The following PTER variants were observed in gnomAD, a reference collection of about 807,000 sequenced individuals.
PTER encodes phosphotriesterase related.
PTER carries 38 observed loss-of-function variants against 29.6 expected under a neutral mutation model. The observed-to-expected ratio is 1.28, with a 90% CI of 0.99 to 1.68. PTER has a LOEUF of 1.68. PTER is among the 40% of genes most tolerant of loss of function. The pLI, the probability that PTER is intolerant of heterozygous loss-of-function variation, is 0.00. For missense variants in PTER, 482 were observed against 427.8 expected, an observed-to-expected ratio of 1.13 and a Z score of -1.12; for synonymous variants, 172 against 154.5, an observed-to-expected ratio of 1.11 and a Z score of -0.84.
intron 1 of PTER, among the ~76,000 whole-genome samples, chr10:16,482,679 T>C (rs1390284737): frequency 6.6e-6 from 1 of 152,174 alleles, no homozygotes; most frequent in African/African-American, 2.4e-5. Flanking sequence ...GTTCCCAGAG[T>C]CTGGGACTCG....
intron 4 of PTER, among the ~76,000 whole-genome samples, chr10:16,510,182 C>T (rs1836757846): frequency 6.6e-6 from 1 of 152,180 alleles, no homozygotes; most frequent in Non-Finnish European, 1.5e-5. Context: ...GAAGTCACGA[C>T]AGACACTGCC....
At chr10:16,515,338 A>G (rs1163955635), downstream of PTER, among the ~76,000 whole-genome samples, 1 of 151,838 alleles carries the variant, frequency 6.6e-6, no homozygotes, top group Non-Finnish European at 1.5e-5. Context: ...ATCTTTGATT[A>G]TATCACCTGA....
intron 1 of PTER, among the ~76,000 whole-genome samples, chr10:16,459,751 T>C (rs770396887): frequency 2.1e-4 from 31 of 150,186 alleles, no homozygotes; most frequent in Middle Eastern, 3.4e-3. Context: ...TATTTATTTA[T>C]TTATTTACTT....
intron 1 of PTER, among the ~76,000 whole-genome samples, chr10:16,474,013 C>A (rs919280243): frequency 6.6e-6 from 1 of 152,110 alleles, no homozygotes; most frequent in African/African-American, 2.4e-5. Context: ...GTCAGGAGTT[C>A]GAGACCAGCC....
chr10:16,442,786 C>T (rs1245294032), intron 1 of PTER, among the ~76,000 whole-genome samples: 1 of 152,174 alleles, frequency 6.6e-6, no homozygotes, highest in Non-Finnish European at 1.5e-5. Flanking sequence ...TCGATACCAG[C>T]CTGGCCAACA....
At chr10:16,447,935 C>T (rs540007207) in intron 1 of PTER, among the ~76,000 whole-genome samples, 17 of 152,260 alleles carry the variant, frequency 1.1e-4, no homozygotes, top group Admixed American at 2.0e-4. Flanking sequence ...AGGACCCGTT[C>T]GAGCCCAATC....
At chr10:16,452,619 T>TCTC (rs367732268) in intron 1 of PTER, among the ~76,000 whole-genome samples, 3 of 151,754 alleles carry the variant, frequency 2.0e-5, no homozygotes, top group African/African-American at 7.3e-5. Context: ...TTTTGTTTTC[T>TCTC]CTCCTCCTCC....
intron 2 of PTER, among the ~76,000 whole-genome samples, chr10:16,485,586 A>G (rs1369061773): frequency 6.6e-6 from 1 of 152,018 alleles, no homozygotes; most frequent in African/African-American, 2.4e-5. Context: ...TTGTATTTCA[A>G]AATTTTTTCT....
intron 1 of PTER, among the ~76,000 whole-genome samples, chr10:16,455,372 C>T (rs1396610453): frequency 6.6e-6 from 1 of 151,912 alleles, no homozygotes; most frequent in East Asian, 1.9e-4. Context: ...TATTTGCAAC[C>T]GTGGCATAAA....
chr10:16,488,095 G>A (rs1835769184), intron 3 of PTER, among the ~76,000 whole-genome samples: 1 of 152,180 alleles, frequency 6.6e-6, no homozygotes, highest in Non-Finnish European at 1.5e-5. Flanking sequence ...GGAAACTGAG[G>A]CATAATAGGA....
intron 1 of PTER, among the ~76,000 whole-genome samples, chr10:16,482,628 C>T (rs1196405138): frequency 6.6e-6 from 1 of 152,102 alleles, no homozygotes; most frequent in East Asian, 1.9e-4. Flanking sequence ...TTTGAAGGAA[C>T]AGTTTGAGAG....
chr10:16,500,617 A>T (rs1481663852), intron 3 of PTER, among the ~76,000 whole-genome samples: 1 of 152,214 alleles, frequency 6.6e-6, no homozygotes, highest in Non-Finnish European at 1.5e-5. Flanking sequence ...CTTCCTCTAG[A>T]AAGACATCTC....
intron 4 of PTER, among the ~76,000 whole-genome samples, chr10:16,508,806 T>G (rs1036884209): frequency 9.2e-5 from 14 of 152,184 alleles, no homozygotes; most frequent in Non-Finnish European, 1.8e-4. Context: ...TGTTAAGCAC[T>G]GAATGCCCTT....
chr10:16,483,299 C>G (rs953973689), intron 1 of PTER, among the ~76,000 whole-genome samples: 3 of 152,112 alleles, frequency 2.0e-5, no homozygotes, highest in African/African-American at 4.8e-5. Context: ...GGCTAAGAAT[C>G]TTTGCTTTTC....
At chr10:16,463,198 TAAA>T (rs535136619) in intron 1 of PTER, among the ~76,000 whole-genome samples, 4 of 79,380 alleles carry the variant, frequency 5.0e-5, no homozygotes, top group African/African-American at 9.7e-5. Flanking sequence ...AGACTCTGTC[TAAA>T]AAAAAAAAAA....
At chr10:16,446,764 T>TTTTG (rs370830532) in intron 1 of PTER, among the ~76,000 whole-genome samples, 12 of 152,020 alleles carry the variant, frequency 7.9e-5, no homozygotes, top group Admixed American at 3.3e-4. Context: ...TGTAAGACAT[T>TTTTG]TTTGTTTGTT....
intron 1 of PTER, among the ~76,000 whole-genome samples, chr10:16,440,313 C>G (rs1833802757): frequency 1.3e-5 from 2 of 151,976 alleles, no homozygotes; most frequent in African/African-American, 4.8e-5. Flanking sequence ...GGTGATCCAC[C>G]TGCCTCAGCC....
rs1471829520 is a variant in PTER, at chr10:16,492,369, A to G, written c.698+5752A>G. On this transcript the variant is annotated intron_variant, in intron 3 of 4. Coordinates refer to ENST00000535784, the MANE Select transcript of PTER (RefSeq NM_001261836.2). Reference sequence around the variant, plus strand: ...TTCTGCCTTTCAATCACTTACTATAATTTTACTACCTGTTAAAACTCTACC... The same window carrying G: ...TTCTGCCTTTCAATCACTTACTATAGTTTTACTACCTGTTAAAACTCTACC... Among the ~76,000 whole-genome samples the G allele has an allele frequency of 2.0e-5, 3 of 152,148 alleles. No homozygotes were observed. In the East Asian group the frequency reaches 5.8e-4, roughly 29 times the overall value.
intron 1 of PTER, among the ~76,000 whole-genome samples, chr10:16,468,203 G>T (rs1208816692): frequency 6.6e-6 from 1 of 152,124 alleles, no homozygotes; most frequent in Non-Finnish European, 1.5e-5. Context: ...TTAGCCGAGT[G>T]TGGTGGCAGA....
Sources: gnomAD v4.1 joint callset for allele counts (sites outside exome capture counted in the v4.1 genomes callset) on GRCh38, gnomAD v4.1.1 for gene constraint, MANE v1.5 for transcripts, NCBI Gene and HGNC (gene_info 2026-07-23, HGNC 2026-07-21) for gene names.